Variants in ZNF479 observed in about 807,000 individuals in gnomAD.
ZNF479 encodes KRAB zinc finger protein KR19.
A neutral mutation model predicts 14.7 loss-of-function variants in ZNF479; 15 were observed. That is an observed-to-expected ratio of 1.02 (90% CI 0.68 to 1.57). ZNF479 has a LOEUF of 1.57. ZNF479 is among the 40% of genes most tolerant of loss of function. The probability of loss-of-function intolerance (pLI) is 0.00; values close to 1 mark genes in which losing one functional copy is unlikely to be tolerated. For synonymous variants in ZNF479, 145 were observed against 211.5 expected (o/e 0.69, Z 2.73); for missense variants, 506 against 615.1 (o/e 0.82, Z 1.88).
intron 2 of ZNF479, 123 bp from the exon 3 acceptor site, chr7:57,126,236 T>C (rs1786165132): frequency 1.7e-6 from 2 of 1,147,788 alleles, no homozygotes; most frequent in Non-Finnish European, 2.4e-6. Context: ...ATAATAGAAC[T>C]TTCTAAATAT....
At chr7:57,126,784 G>A in intron 1 of ZNF479, 66 bp from the exon 2 acceptor site, 1 of 1,587,906 alleles carries the variant, frequency 6.3e-7, no homozygotes, top group South Asian at 1.1e-5. Flanking sequence ...CATAGGCAGA[G>A]ATTTTTATTT....
chr7:57,121,975 A>C (rs1554400719), intron 3 of ZNF479, among the ~76,000 whole-genome samples: 1 of 152,094 alleles, frequency 6.6e-6, no homozygotes, highest in African/African-American at 2.4e-5. Flanking sequence ...AATAATAAAA[A>C]TAAACAAGGT....
chr7:57,136,325 A>G (rs1424785689), upstream of ZNF479, among the ~76,000 whole-genome samples: 2 of 151,980 alleles, frequency 1.3e-5, no homozygotes, highest in Non-Finnish European at 2.9e-5. Context: ...CAGAGGTTGC[A>G]GTGAGCTGAG....
intron 1 of ZNF479, among the ~76,000 whole-genome samples, chr7:57,139,341 C>T (rs1268278406): frequency 6.6e-6 from 1 of 152,196 alleles, no homozygotes; most frequent in African/African-American, 2.4e-5. Context: ...CCCTGTGAGG[C>T]TGTGGCTCTG....
rs372794274 is a variant in ZNF479, at chr7:57,121,009, C to T, written c.406G>A (p.Glu136Lys). 1.2e-6 allele frequency: 2 copies of T among 1,614,088 alleles called. No homozygotes were observed. Among genetic ancestry groups the T allele is most frequent in the South Asian group, 1.1e-5 (1 of 91,084 alleles). ...TCACTATAACCTCCCTTGTGCACCT[C>T]ATATTCACCCACACTTTTACAGCAT... ...KKCCKSVGEYEVHKGGYSEVN... is the reference protein window; with the variant it reads ...KKCCKSVGEYKVHKGGYSEVN... The change falls in exon 4 of 4, where the codon GAG (glutamate) becomes AAG (lysine). Residue 136 changes from glutamate (E) to lysine (K), a missense_variant. Transcript: ENST00000319636.
Position 57,120,297 on chromosome 7 carries a change from C to T in ZNF479, c.1118G>A (p.Arg373Lys). 1 of 1,609,632 alleles carries T rather than the reference C, an allele frequency of 6.2e-7. No homozygotes were observed. Among genetic ancestry groups the T allele is most frequent in the Non-Finnish European group, 8.5e-7 (1 of 1,177,300 alleles). The change falls in exon 4 of 4, where the codon AGA (arginine) becomes AAA (lysine). Residue 373 changes from arginine (R) to lysine (K), a missense_variant. Physicochemically the swap from Arg to Lys is conservative, Grantham distance 26. This residue lies in a region of ZNF479 where 420 missense variants were observed against 474.2 expected (regional missense o/e 0.89). Coordinates refer to ENST00000319636, the MANE Select transcript of ZNF479 (RefSeq NM_001370129.2). ...GTAGGGTTTCTCTCCAGTATGAATT[C>T]TCCTATGTCTCATAAGGTTCGAGGA... The part of the protein sequence containing the change: ...SLSSNLMRHR[R>K]IHTGEKPYTC...
upstream of ZNF479, among the ~76,000 whole-genome samples, chr7:57,135,553 C>T (rs1366617746): frequency 6.6e-6 from 1 of 152,086 alleles, no homozygotes; most frequent in South Asian, 2.1e-4. Flanking sequence ...GCTGGGATTA[C>T]AGGCGCCCAC....
intron 1 of ZNF479, among the ~76,000 whole-genome samples, chr7:57,139,131 G>C (rs1786769746): frequency 6.6e-6 from 1 of 152,190 alleles, no homozygotes; most frequent in South Asian, 2.1e-4. Flanking sequence ...TGTCATAACA[G>C]GGAGCAGCAA....
Position 57,120,702 on chromosome 7 carries a change from T to C in ZNF479, c.713A>G (p.Glu238Gly). 1 of 1,612,898 alleles carries C rather than the reference T, an allele frequency of 6.2e-7. No individual in the cohort carries two copies. The change falls in exon 4 of 4, where the codon GAG becomes GGG. Residue 238 changes from glutamate to glycine, a missense_variant. By Grantham distance (98) the Glu-to-Gly change is moderately conservative. Around this residue, in one of 3 missense-constraint regions of ZNF479, gnomAD observed 420 missense variants for 474.2 expected, o/e 0.89. Transcript: ENST00000319636. ...ACATTCCTCACATCTATATGGTTTC[T>C]CTCCAGTATGAATTATTTTATGTGT... ...HTTHKIIHTG[E>G]KPYRCEECGK...
chr7:57,132,755 TA>T (rs1166475647), upstream of ZNF479, among the ~76,000 whole-genome samples: 1 of 152,230 alleles, frequency 6.6e-6, no homozygotes, highest in African/African-American at 2.4e-5. Context: ...ACAATTATTT[TA>T]AAATGTAGGA....
At chr7:57,139,459 C>A (rs1051349237) in intron 1 of ZNF479, 7 of 152,218 alleles carry the variant, frequency 4.6e-5, no homozygotes, top group African/African-American at 1.7e-4. Context: ...TGTTGACTGT[C>A]ATAAGTGAAG....
At position 57,120,490 on chromosome 7, in the gene ZNF479, A is replaced by G. The variant is rs781869931; in HGVS notation, c.925T>C (p.Ser309Pro). The change falls in exon 4 of 4, where the codon TCC (serine) becomes CCC (proline). Residue 309 changes from serine to proline, a missense_variant. Physicochemically the swap from Ser to Pro is moderately conservative, Grantham distance 74. Transcript: ENST00000319636. ...CEECGKAFSVSSTLTDHKRIH... is the reference protein window; with the variant it reads ...CEECGKAFSVPSTLTDHKRIH... ...CTCTTGTGGTCAGTGAGGGTTGAGG[A>G]TACGCTAAAGGCTTTGCCACATTCT... The G allele has an allele frequency of 5.0e-6, 8 of 1,609,636 alleles. No individual in the cohort carries two copies. The highest frequency in any genetic ancestry group is 1.7e-4 in the Middle Eastern group (1 of 6,028).
Position 57,119,825 on chromosome 7 carries a change from G to C in ZNF479, c.*15C>G, listed in dbSNP as rs782122023. Reference sequence around the variant, plus strand: ...ATTTTATGTATTATAAGGCCTGAGGGTGGACTTTGCCATATTATTCACATT... The same window carrying C: ...ATTTTATGTATTATAAGGCCTGAGGCTGGACTTTGCCATATTATTCACATT... On this transcript the variant is annotated 3_prime_UTR_variant, in exon 4 of 4. Transcript: ENST00000319636. 6.2e-7 allele frequency: 1 copy of C among 1,604,620 alleles called. No individual in the cohort carries two copies. Among genetic ancestry groups the C allele is most frequent in the Non-Finnish European group, 8.5e-7 (1 of 1,173,582 alleles).
At chr7:57,139,605 T>C (rs1786794187) in intron 1 of ZNF479, 1 of 152,212 alleles carries the variant, frequency 6.6e-6, no homozygotes, top group South Asian at 2.1e-4. Context: ...TTGTCACATA[T>C]ACCTGGGCCA....
upstream of ZNF479, among the ~76,000 whole-genome samples, chr7:57,134,665 CTTTT>C (rs71053216): frequency 9.4e-6 from 1 of 106,498 alleles, no homozygotes; most frequent in Non-Finnish European, 1.9e-5. Flanking sequence ...TTTCTTCTAT[CTTTT>C]TTTTTTTTTT....
Position 57,119,868 on chromosome 7 carries a change from G to C in ZNF479, c.1547C>G (p.Thr516Ser). 1 of 1,613,378 alleles carries C rather than the reference G, an allele frequency of 6.2e-7. No individual in the cohort carries two copies. Among genetic ancestry groups the C allele is most frequent in the Non-Finnish European group, 8.5e-7 (1 of 1,179,610 alleles). The change falls in exon 4 of 4, where the codon ACT becomes AGT. Residue 516 changes from threonine (T) to serine (S), a missense_variant. By Grantham distance (58) the Thr-to-Ser change is moderately conservative. This residue lies in a region of ZNF479 where 72 missense variants were observed against 97.6 expected (regional missense o/e 0.74). Transcript: ENST00000319636. ...SSLAKHKIIH[T>S]GEKPYKCE ...TTCACATTTGTAGGGTTTCTCTCCA[G>C]TGTGAATTATCTTATGTTTAGCAAG...
intron 1 of ZNF479, among the ~76,000 whole-genome samples, chr7:57,131,401 A>G (rs1436282271): frequency 1.3e-5 from 2 of 151,956 alleles, no homozygotes; most frequent in Non-Finnish European, 2.9e-5. Flanking sequence ...TGTCTCTACT[A>G]AAAATACAAA....
intron 3 of ZNF479, among the ~76,000 whole-genome samples, chr7:57,122,388 A>G (rs1175173958): frequency 1.3e-5 from 2 of 149,948 alleles, no homozygotes; most frequent in African/African-American, 4.9e-5. Flanking sequence ...AAATGCTGAA[A>G]AGAGGTCTTT....
At position 57,120,942 on chromosome 7, in the gene ZNF479, T is replaced by G; in HGVS notation, c.473A>C (p.Gln158Pro). The change falls in exon 4 of 4, where the codon CAG (glutamine) becomes CCG (proline). Residue 158 changes from glutamine to proline, a missense_variant. Gln to Pro is a moderately conservative substitution (Grantham distance 76, BLOSUM62 -1). This residue lies in a region of ZNF479 where 420 missense variants were observed against 474.2 expected (regional missense o/e 0.89). Coordinates refer to ENST00000319636, the MANE Select transcript of ZNF479 (RefSeq NM_001370129.2). ...CLSTTQNKIF[Q>P]THKYVKVFGK... ...AAAGACTTTGACATATTTATGAGTC[T>G]GAAATATTTTGTTTTGGGTAGTTGA... 1 of 1,614,080 alleles carries G rather than the reference T, an allele frequency of 6.2e-7. No homozygotes were observed. The highest frequency in any genetic ancestry group is 8.5e-7 in the Non-Finnish European group (1 of 1,179,982).
Sources: gnomAD v4.1 joint callset for allele counts (sites outside exome capture counted in the v4.1 genomes callset) on GRCh38, gnomAD v4.1.1 for gene constraint, gnomAD v4.1.1 regional missense constraint, MANE v1.5 for transcripts, NCBI Gene and HGNC (gene_info 2026-07-23, HGNC 2026-07-21) for gene names.